The following SLC4A8 variants were observed in gnomAD, a reference collection of about 807,000 sequenced individuals.
SLC4A8 encodes solute carrier family 4 member 8, also known as electroneutral sodium bicarbonate exchanger 1.
A neutral mutation model predicts 125.0 loss-of-function variants in SLC4A8; 40 were observed. That is an observed-to-expected ratio of 0.32 (90% CI 0.25 to 0.42). The LOEUF is 0.42. Among genes scored for constraint, SLC4A8 ranks in the 10% least tolerant of loss-of-function variants. The probability of loss-of-function intolerance (pLI) is 1.00; values close to 1 mark genes in which losing one functional copy is unlikely to be tolerated. For missense variants in SLC4A8, 863 were observed against 1,355.1 expected (o/e 0.64, Z 5.70); for synonymous variants, 456 against 476.0 (o/e 0.96, Z 0.55).
intron 13 of SLC4A8, among the ~76,000 whole-genome samples, chr12:51,470,997 C>T (rs544112026): frequency 2.3e-3 from 347 of 152,098 alleles, no homozygotes; most frequent in Non-Finnish European, 3.8e-3. Flanking sequence ...ATGGCCAGCC[C>T]CTTTTTTTCT....
intron 1 of SLC4A8, among the ~76,000 whole-genome samples, chr12:51,402,442 C>T (rs1021867147): frequency 6.6e-6 from 1 of 152,184 alleles, no homozygotes; most frequent in Non-Finnish European, 1.5e-5. Context: ...TAAAGTGAGG[C>T]CTGGCACAGT....
At chr12:51,409,531 A>G (rs1948557294) in intron 1 of SLC4A8, among the ~76,000 whole-genome samples, 3 of 152,110 alleles carry the variant, frequency 2.0e-5, no homozygotes, top group Admixed American at 2.0e-4. Context: ...ATATAATTTA[A>G]TCTCTTTCTT....
At chr12:51,484,430 T>C (rs1205269624) in intron 16 of SLC4A8, among the ~76,000 whole-genome samples, 1 of 152,206 alleles carries the variant, frequency 6.6e-6, no homozygotes, top group Non-Finnish European at 1.5e-5. Context: ...CCCTGGGATG[T>C]ACGTGCCGTA....
intron 14 of SLC4A8, 101 bp downstream of exon 14, chr12:51,471,633 G>C: frequency 1.5e-6 from 2 of 1,338,588 alleles, no homozygotes; most frequent in Non-Finnish European, 2.1e-6. Context: ...TGGTCAAGAA[G>C]TGTCTTGCCC....
intron 1 of SLC4A8, among the ~76,000 whole-genome samples, chr12:51,434,375 G>A (rs998925615): frequency 6.6e-6 from 1 of 152,078 alleles, no homozygotes; most frequent in Non-Finnish European, 1.5e-5. Flanking sequence ...TTACATTTAT[G>A]TGAGTACCTT....
chr12:51,506,704 G>A (rs148123614), intron 24 of SLC4A8, among the ~76,000 whole-genome samples: 1,802 of 152,314 alleles, frequency 0.012, 34 homozygotes, highest in African/African-American at 0.041. Flanking sequence ...AAAGTGCTGG[G>A]ATTACAGGCG....
chr12:51,423,346 G>T (rs1948837389), upstream of SLC4A8, among the ~76,000 whole-genome samples: 1 of 152,130 alleles, frequency 6.6e-6, no homozygotes, highest in Admixed American at 6.5e-5. Flanking sequence ...CTTGGAAGAG[G>T]GTGGCTTTTG....
At chr12:51,420,229 G>A (rs1022707621), upstream of SLC4A8, 2 of 152,154 alleles carry the variant, frequency 1.3e-5, no homozygotes, top group Admixed American at 1.3e-4. Context: ...GGAAAGTGGA[G>A]AAATAAAAAT....
chr12:51,470,486 C>T lies in SLC4A8; in HGVS notation c.1619C>T (p.Pro540Leu). ...QALTILGSTG[P>L]VLVFEKILFK... ...CTCACCATCCTGGGAAGTACTGGAC[C>T]AGTGCTTGTGTTTGAAAAGATTTTG... Residue 540 changes from proline to leucine, a missense_variant, in exon 13 of 25, where the codon CCA becomes CTA. Physicochemically the swap from Pro to Leu is moderately conservative, Grantham distance 98 (BLOSUM62 -3). Coordinates refer to ENST00000453097, the MANE Select transcript of SLC4A8 (RefSeq NM_001039960.3). 4 of 1,613,482 alleles carry T rather than the reference C, an allele frequency of 2.5e-6. No individual in the cohort carries two copies. Among genetic ancestry groups the T allele is most frequent in the Non-Finnish European group, 3.4e-6 (4 of 1,179,500 alleles).
In SLC4A8 at chr12:51,511,585, C is replaced by T. The variant is rs1021705396; in HGVS notation, c.*4147C>T. On this transcript the variant is annotated 3_prime_UTR_variant, in exon 25 of 25. Coordinates refer to ENST00000453097, the MANE Select transcript of SLC4A8 (RefSeq NM_001039960.3). ...TTGTATTTTAGTAGAGACGAAGTTT[C>T]ACTATGTTGGCCAGGCTGGTCTGAA... is the stretch of plus-strand genomic sequence containing the variant. The T allele has an allele frequency of 1.3e-5, 2 of 152,200 alleles. No homozygotes were observed. Among genetic ancestry groups the T allele is most frequent in the East Asian group, 1.9e-4 (1 of 5,182 alleles). The allele number at this position is 152,200 out of a possible 1,614,324, so 9.4% of individuals were successfully genotyped here.
intron 1 of SLC4A8, among the ~76,000 whole-genome samples, chr12:51,400,718 G>A (rs1184919255): frequency 5.3e-5 from 5 of 95,226 alleles, no homozygotes; most frequent in African/African-American, 1.7e-4. Flanking sequence ...GAGTGTGAAT[G>A]AACTCCTTTA....
intron 16 of SLC4A8, among the ~76,000 whole-genome samples, chr12:51,476,906 C>CTTTTT (rs67928969): frequency 1.6e-3 from 192 of 118,430 alleles, no homozygotes; most frequent in Non-Finnish European, 1.8e-3. Context: ...TTTTTCTTTT[C>CTTTTT]TTTTTTTTTT....
rs1464431423 is a variant in SLC4A8, at chr12:51,425,093, C to T, written c.48+58C>T. On this transcript the variant is annotated intron_variant, in intron 1 of 24. Coordinates refer to ENST00000453097, the MANE Select transcript of SLC4A8 (RefSeq NM_001039960.3). ...CCCCGGGGCGCAGCCTCCTCATCCT[C>T]TGCCCACCCTCCTTCCTTCTGCCCC... is the stretch of plus-strand genomic sequence containing the variant. 5.9e-6 allele frequency: 9 copies of T among 1,528,032 alleles called. No individual in the cohort carries two copies. In the African/African-American group the frequency reaches 9.7e-5, roughly 17 times the overall value. The allele number at this position is 1,528,032 out of a possible 1,614,324, so 94.7% of individuals were successfully genotyped here.
intron 1 of SLC4A8, among the ~76,000 whole-genome samples, chr12:51,416,187 T>A (rs1052566352): frequency 1.3e-5 from 2 of 150,734 alleles, no homozygotes; most frequent in South Asian, 2.1e-4. Flanking sequence ...CCTGGGGAAT[T>A]TGCCTGTTTG....
At chr12:51,424,793 GCGCAGGCCTCT>G (rs1449908424), upstream of SLC4A8, 1 of 578,260 alleles carries the variant, frequency 1.7e-6, no homozygotes, top group Non-Finnish European at 3.0e-6. Flanking sequence ...CTGATTGGCT[GCGCAGGCCTCT>G]CGCTGATTGG....
intron 12 of SLC4A8, 77 bp downstream of exon 12, chr12:51,469,865 G>A (rs1266996881): frequency 2.2e-6 from 3 of 1,341,588 alleles, no homozygotes; most frequent in Non-Finnish European, 3.2e-6. Flanking sequence ...CCACTGTGGG[G>A]GAAATTACTT....
chr12:51,447,779 C>T (rs900595866), intron 2 of SLC4A8, among the ~76,000 whole-genome samples: 6 of 147,960 alleles, frequency 4.1e-5, no homozygotes, highest in African/African-American at 1.0e-4. Flanking sequence ...TGCAGTGGCG[C>T]GATCTCTGCT....
chr12:51,463,444 TGTGTG>T (rs1161883443), intron 10 of SLC4A8, among the ~76,000 whole-genome samples, 165 bp from the exon 11 acceptor site: 1 of 151,894 alleles, frequency 6.6e-6, no homozygotes, highest in Non-Finnish European at 1.5e-5. Flanking sequence ...TGTGTGTGTG[TGTGTG>T]TTTCGGTAAA....
intron 1 of SLC4A8, among the ~76,000 whole-genome samples, chr12:51,438,149 T>A (rs1170117515): frequency 4.6e-5 from 7 of 152,196 alleles, no homozygotes; most frequent in Non-Finnish European, 2.9e-5. Flanking sequence ...GTGTTGAGAT[T>A]ACTCAATATC....
Sources: allele counts gnomAD v4.1 joint callset (sites outside exome capture counted in the v4.1 genomes callset), GRCh38; gene constraint gnomAD v4.1.1; transcripts MANE v1.5; gene names NCBI Gene and HGNC (gene_info 2026-07-23, HGNC 2026-07-21).